The following ASTN1 variants were observed in gnomAD, a reference collection of about 807,000 sequenced individuals.
ASTN1 encodes astrotactin 1, also known as astrotactin-1.
In ASTN1, 41 loss-of-function variants were observed where a neutral mutation model predicts 140.7. The ratio of observed to expected loss-of-function variants is 0.29; its 90% CI spans 0.23 to 0.38. The LOEUF (loss-of-function observed/expected upper bound fraction) is 0.38, where lower values mean the gene tolerates loss of function less well. Among genes scored for constraint, ASTN1 ranks in the 10% least tolerant of loss-of-function variants. The pLI is 1.00. For missense variants in ASTN1, 1,479 were observed against 1,678.8 expected (o/e 0.88, Z 2.08); for synonymous variants, 640 against 652.2 (o/e 0.98, Z 0.29).
chr1:176,929,590 G>C (rs1279105905), intron 16 of ASTN1, among the ~76,000 whole-genome samples: 1 of 152,242 alleles, frequency 6.6e-6, no homozygotes, highest in Non-Finnish European at 1.5e-5. Flanking sequence ...CAAGTGTGTG[G>C]TAATTTGTTA....
chr1:176,916,276 A>C (rs1002139870), intron 16 of ASTN1, among the ~76,000 whole-genome samples: 1 of 152,136 alleles, frequency 6.6e-6, no homozygotes, highest in Non-Finnish European at 1.5e-5. Flanking sequence ...TTCCTCCCTT[A>C]TATCTCAGGA....
chr1:177,082,021 C>T (rs1026545894), intron 1 of ASTN1, among the ~76,000 whole-genome samples: 2 of 152,052 alleles, frequency 1.3e-5, no homozygotes, highest in African/African-American at 4.8e-5. Context: ...GGAAACACAG[C>T]CTGGAGGAGC....
intron 1 of ASTN1, among the ~76,000 whole-genome samples, chr1:177,112,244 G>GA (rs924238958): frequency 1.3e-5 from 2 of 151,914 alleles, no homozygotes; most frequent in African/African-American, 4.8e-5. Context: ...ATTTCAGCAG[G>GA]AAAAAAAATA....
At chr1:176,994,258 A>T (rs1213633143) in intron 8 of ASTN1, among the ~76,000 whole-genome samples, 1 of 152,106 alleles carries the variant, frequency 6.6e-6, no homozygotes, top group Non-Finnish European at 1.5e-5. Context: ...GATCTCAAAC[A>T]GTCTTCTTGT....
chr1:177,037,768 G>A (rs1385648899), intron 2 of ASTN1, among the ~76,000 whole-genome samples: 1 of 152,010 alleles, frequency 6.6e-6, no homozygotes, highest in African/African-American at 2.4e-5. Flanking sequence ...TTAACATTTG[G>A]TAACTAGAAG....
At chr1:177,067,495 T>C (rs980605734) in intron 1 of ASTN1, among the ~76,000 whole-genome samples, 3 of 152,188 alleles carry the variant, frequency 2.0e-5, no homozygotes, top group African/African-American at 7.2e-5. Context: ...CTTTTTTTCC[T>C]TCTAATTTCA....
intron 1 of ASTN1, among the ~76,000 whole-genome samples, chr1:177,108,520 T>G (rs150148579): frequency 1.1e-4 from 16 of 152,268 alleles, no homozygotes; most frequent in Admixed American, 2.6e-4. Context: ...GTGTAACATG[T>G]GTCAGAAATT....
At chr1:176,936,479 ATTAAATGTT>A in intron 14 of ASTN1, 109 bp from the exon 15 acceptor site, 1 of 811,196 alleles carries the variant, frequency 1.2e-6, no homozygotes, top group Non-Finnish European at 1.9e-6. Context: ...TGAGAAAATG[ATTAAATGTT>A]CTTTGATGAA....
intron 20 of ASTN1, among the ~76,000 whole-genome samples, chr1:176,876,976 C>T (rs1040381336): frequency 3.3e-5 from 5 of 152,150 alleles, no homozygotes; most frequent in African/African-American, 9.7e-5. Context: ...CTAGCCCAGA[C>T]CCACTGAATT....
chr1:177,079,726 C>G (rs569999513), intron 1 of ASTN1, among the ~76,000 whole-genome samples: 2 of 152,068 alleles, frequency 1.3e-5, no homozygotes, highest in Non-Finnish European at 2.9e-5. Flanking sequence ...ACTGTCCTCA[C>G]TTTACAGATG....
In ASTN1 at chr1:176,863,264, T is replaced by C. The variant is rs1212447624; in HGVS notation, c.*1020A>G. 2.0e-6 allele frequency: 2 copies of C among 985,890 alleles called. No individual in the cohort carries two copies. Among genetic ancestry groups the C allele is most frequent in the East Asian group, 1.1e-4 (1 of 8,810 alleles). The allele number at this position is 985,890 out of a possible 1,614,324, so 61.1% of individuals were successfully genotyped here. On this transcript the variant is annotated 3_prime_UTR_variant, in exon 23 of 23. Transcript: ENST00000361833. The stretch of plus-strand genomic sequence containing the variant: ...GCAAGGTGGGGATGAACAGAAGTTT[T>C]TTGTGATCAATAATAGCTTTAGTTC...
chr1:176,942,820 G>GTATATATATATATATATATA (rs148722284), intron 14 of ASTN1, among the ~76,000 whole-genome samples: 2 of 25,320 alleles, frequency 7.9e-5, no homozygotes, highest in Non-Finnish European at 1.6e-4. Flanking sequence ...TTGTGTGTGT[G>GTATATATATATATATATATA]TATATATATA....
Position 176,861,433 on chromosome 1 carries a change from T to C in ASTN1, c.*2851A>G, listed in dbSNP as rs1458079445. On this transcript the variant is annotated 3_prime_UTR_variant, in exon 23 of 23. Coordinates refer to ENST00000361833, the MANE Select transcript of ASTN1 (RefSeq NM_004319.3). ...ATATAAGCACCTCCCTTAAGACCTG[T>C]TTGGCAGCTTGAAAACTCAAGGTTG... 21 of 985,704 alleles carry C rather than the reference T, an allele frequency of 2.1e-5. No individual in the cohort carries two copies. Among genetic ancestry groups the C allele is most frequent in the Admixed American group, 1.2e-4 (2 of 16,270 alleles). The allele number at this position is 985,704 out of a possible 1,614,324, so 61.1% of individuals were successfully genotyped here.
At chr1:176,890,808 C>T (rs1669226560) in intron 17 of ASTN1, among the ~76,000 whole-genome samples, 1 of 152,094 alleles carries the variant, frequency 6.6e-6, no homozygotes, top group South Asian at 2.1e-4. Flanking sequence ...GGAGGATCAC[C>T]TGAGTTCAGA....
At chr1:177,064,620 G>T (rs1182711924) in intron 1 of ASTN1, among the ~76,000 whole-genome samples, 3 of 152,172 alleles carry the variant, frequency 2.0e-5, no homozygotes, top group African/African-American at 4.8e-5. Context: ...ACCTCTCTGT[G>T]GGTTATCCAT....
chr1:176,890,097 G>A (rs1204247833), intron 17 of ASTN1, among the ~76,000 whole-genome samples: 1 of 152,184 alleles, frequency 6.6e-6, no homozygotes, highest in Non-Finnish European at 1.5e-5. Flanking sequence ...AAGCATTAAG[G>A]ATACGAGGAT....
chr1:176,984,682 A>G (rs181432542), intron 8 of ASTN1, among the ~76,000 whole-genome samples: 1 of 152,110 alleles, frequency 6.6e-6, no homozygotes, highest in Non-Finnish European at 1.5e-5. Context: ...TGTTTTTCTG[A>G]TTTGAGCTAA....
intron 2 of ASTN1, among the ~76,000 whole-genome samples, chr1:177,047,824 T>C (rs966866591): frequency 1.2e-4 from 19 of 152,142 alleles, no homozygotes; most frequent in African/African-American, 4.1e-4. Flanking sequence ...ACATGGGTAA[T>C]AAGAATGAAT....
intron 7 of ASTN1, among the ~76,000 whole-genome samples, chr1:177,021,919 T>C (rs919586526): frequency 2.0e-5 from 3 of 152,248 alleles, no homozygotes; most frequent in Non-Finnish European, 4.4e-5. Flanking sequence ...TACTAGCTTT[T>C]GGGCATGGTA....
Sources: allele counts gnomAD v4.1 joint callset (sites outside exome capture counted in the v4.1 genomes callset), GRCh38; gene constraint gnomAD v4.1.1; transcripts MANE v1.5; gene names NCBI Gene and HGNC (gene_info 2026-07-23, HGNC 2026-07-21).